Variants in DLC1 observed in about 807,000 individuals in gnomAD.
DLC1 encodes DLC1 Rho GTPase activating protein, also known as rho GTPase-activating protein 7.
A neutral mutation model predicts 140.3 loss-of-function variants in DLC1; 54 were observed. The observed-to-expected ratio is 0.38, with a 90% CI of 0.31 to 0.48. The LOEUF is 0.48. Among genes scored for constraint, DLC1 ranks in the 20% least tolerant of loss-of-function variants. DLC1 has a pLI of 0.96. For synonymous variants in DLC1, 986 were observed against 728.1 expected (o/e 1.35, Z -5.70); for missense variants, 2,536 against 1,907.0 (o/e 1.33, Z -6.14).
In DLC1 at chr8:13,304,758, A is replaced by T. The variant is rs1416080903; in HGVS notation, c.1348+511T>A. 4 of 954,070 alleles carry T rather than the reference A, an allele frequency of 4.2e-6. No homozygotes were observed. The African/African-American group carries it at 7.1e-5, about 17-fold the overall frequency. 59.1% of individuals were successfully genotyped at this position (954,070 alleles called of 1,614,324 possible). ...CATCAGTCCTTGTCCATTTCCCATA[A>T]TACTGTTAAATAATTATAATTAAAG... On this transcript the variant is annotated intron_variant, in intron 5 of 17. Coordinates refer to ENST00000276297, the MANE Select transcript of DLC1 (RefSeq NM_182643.3).
intron 4 of DLC1, among the ~76,000 whole-genome samples, chr8:13,316,031 C>T (rs1017415751): frequency 3.9e-5 from 6 of 152,094 alleles, no homozygotes; most frequent in Admixed American, 1.3e-4. Context: ...CTTCCCTGAC[C>T]CCTTTCGGAT....
intron 1 of DLC1, among the ~76,000 whole-genome samples, chr8:13,575,602 G>A (rs1345382900): frequency 6.6e-6 from 1 of 152,040 alleles, no homozygotes; most frequent in Non-Finnish European, 1.5e-5. Flanking sequence ...AAAAAAAAAT[G>A]CAGTCCTAAT....
intron 2 of DLC1, among the ~76,000 whole-genome samples, chr8:13,410,310 A>C (rs2117293324): frequency 6.6e-6 from 1 of 152,282 alleles, no homozygotes; most frequent in South Asian, 2.1e-4. Context: ...TATTTCTATA[A>C]AACTAGGAAA....
At chr8:13,417,929 C>T (rs1319334732) in intron 2 of DLC1, among the ~76,000 whole-genome samples, 2 of 152,156 alleles carry the variant, frequency 1.3e-5, no homozygotes, top group African/African-American at 2.4e-5. Context: ...GATGGTATCT[C>T]ATTGTGGTTT....
At chr8:13,484,034 C>G (rs1161802301) in intron 2 of DLC1, among the ~76,000 whole-genome samples, 3 of 152,070 alleles carry the variant, frequency 2.0e-5, no homozygotes, top group African/African-American at 7.2e-5. Flanking sequence ...GAACCCAGAT[C>G]ATGCCATTGC....
At chr8:13,328,613 G>A (rs576678506) in intron 4 of DLC1, among the ~76,000 whole-genome samples, 2 of 152,274 alleles carry the variant, frequency 1.3e-5, no homozygotes, top group East Asian at 3.9e-4. Flanking sequence ...TGAGAATAGA[G>A]GTCTTGGCTG....
intron 1 of DLC1, among the ~76,000 whole-genome samples, chr8:13,504,017 T>G (rs1186223059): frequency 6.6e-6 from 1 of 152,150 alleles, no homozygotes; most frequent in African/African-American, 2.4e-5. Flanking sequence ...ATTACCTCTT[T>G]GGAAAAGATA....
chr8:13,432,293 TAAATAAATGGTAG>T (rs1838914439), intron 2 of DLC1, among the ~76,000 whole-genome samples: 1 of 152,198 alleles, frequency 6.6e-6, no homozygotes, highest in South Asian at 2.1e-4. Flanking sequence ...AAAGATATCC[TAAATAAATGGTAG>T]ACATGGGAAT....
chr8:13,211,103 T>G (rs2117107407), intron 5 of DLC1, among the ~76,000 whole-genome samples: 1 of 152,276 alleles, frequency 6.6e-6, no homozygotes, highest in African/African-American at 2.4e-5. Flanking sequence ...TTATCACGTA[T>G]TTGCTTAAGA....
chr8:13,090,914 C>A (rs960415800), intron 14 of DLC1, among the ~76,000 whole-genome samples: 1 of 151,178 alleles, frequency 6.6e-6, no homozygotes, highest in Non-Finnish European at 1.5e-5. Flanking sequence ...AGGTGATCCT[C>A]CCACCTCAGC....
At chr8:13,407,781 T>A (rs1837630471) in intron 2 of DLC1, among the ~76,000 whole-genome samples, 1 of 152,198 alleles carries the variant, frequency 6.6e-6, no homozygotes, top group Non-Finnish European at 1.5e-5. Context: ...TCTGGACTGC[T>A]AATACTCCTC....
At chr8:13,481,234 G>T (rs1011493504) in intron 2 of DLC1, among the ~76,000 whole-genome samples, 8 of 152,090 alleles carry the variant, frequency 5.3e-5, no homozygotes, top group Non-Finnish European at 8.8e-5. Context: ...AGACCAGCCT[G>T]GGCAATATGA....
At chr8:13,213,298 C>T (rs78944087) in intron 5 of DLC1, among the ~76,000 whole-genome samples, 6 of 152,152 alleles carry the variant, frequency 3.9e-5, no homozygotes, top group African/African-American at 1.4e-4. Flanking sequence ...GTGCATTATA[C>T]ACCTCTGTGG....
chr8:13,371,052 G>A (rs1165584928), intron 4 of DLC1, among the ~76,000 whole-genome samples: 1 of 152,198 alleles, frequency 6.6e-6, no homozygotes, highest in African/African-American at 2.4e-5. Context: ...ATGGAAATTT[G>A]GGTTGTTTTC....
At chr8:13,203,060 A>G (rs921460660) in intron 5 of DLC1, among the ~76,000 whole-genome samples, 17 of 152,196 alleles carry the variant, frequency 1.1e-4, no homozygotes, top group Non-Finnish European at 2.2e-4. Context: ...GAATAGTAGG[A>G]AAGTGGGATT....
At chr8:13,286,535 C>T (rs528956756) in intron 5 of DLC1, among the ~76,000 whole-genome samples, 1 of 151,752 alleles carries the variant, frequency 6.6e-6, no homozygotes, top group African/African-American at 2.4e-5. Context: ...TCTATTGTAT[C>T]ACATTATTAT....
intron 5 of DLC1, among the ~76,000 whole-genome samples, chr8:13,292,426 C>A (rs763787692): frequency 2.0e-5 from 3 of 152,024 alleles, no homozygotes; most frequent in Non-Finnish European, 2.9e-5. Flanking sequence ...TTTTTAAGGC[C>A]CCAAATTTTG....
At chr8:13,487,771 C>G (rs1421099023) in intron 2 of DLC1, among the ~76,000 whole-genome samples, 2 of 152,080 alleles carry the variant, frequency 1.3e-5, no homozygotes, top group Non-Finnish European at 2.9e-5. Flanking sequence ...CAGAGTTTCA[C>G]CATCTTGGCC....
In DLC1 at chr8:13,100,748, T is replaced by C; in HGVS notation, c.1589A>G (p.Glu530Gly). ...CCATTTGCCACTGATGGCACAAGGC[T>C]CATCCTCGTCTGAATCGTCACTCTG... ...RKRSDDSDEDEPCAISGKWTF... is the reference protein window; with the variant it reads ...RKRSDDSDEDGPCAISGKWTF... Residue 530 changes from glutamate to glycine, a missense_variant, in exon 9 of 18, where the codon GAG becomes GGG. By Grantham distance (98) the Glu-to-Gly change is moderately conservative. Transcript: ENST00000276297. 1 of 1,578,954 alleles carries C rather than the reference T, an allele frequency of 6.3e-7. No individual in the cohort carries two copies. Among genetic ancestry groups the C allele is most frequent in the Non-Finnish European group, 8.6e-7 (1 of 1,163,770 alleles).
Sources: allele counts gnomAD v4.1 joint callset (sites outside exome capture counted in the v4.1 genomes callset), GRCh38; gene constraint gnomAD v4.1.1; transcripts MANE v1.5; gene names NCBI Gene and HGNC (gene_info 2026-07-23, HGNC 2026-07-21).